Variants in AJAP1 observed in about 807,000 individuals in gnomAD.
AJAP1 encodes the protein adherens junction-associated protein 1.
A neutral mutation model predicts 35.0 loss-of-function variants in AJAP1; 5 were observed. The ratio of observed to expected loss-of-function variants is 0.14; its 90% CI spans 0.07 to 0.30. The LOEUF (loss-of-function observed/expected upper bound fraction) is 0.30, where lower values mean the gene tolerates loss of function less well. AJAP1 is among the 10% of genes least tolerant of loss of function. AJAP1 has a pLI of 1.00. For missense variants in AJAP1, 586 were observed against 571.0 expected, an observed-to-expected ratio of 1.03 and a Z score of -0.27; for synonymous variants, 284 against 249.3, an observed-to-expected ratio of 1.14 and a Z score of -1.31.
At chr1:4,690,182 G>C (rs1043179057) in intron 1 of AJAP1, among the ~76,000 whole-genome samples, 1 of 152,178 alleles carries the variant, frequency 6.6e-6, no homozygotes, top group African/African-American at 2.4e-5. Context: ...CAGGAGGCCC[G>C]AGGAGGGGAT....
At chr1:4,657,574 C>T (rs1425031628) in intron 1 of AJAP1, among the ~76,000 whole-genome samples, 1 of 152,188 alleles carries the variant, frequency 6.6e-6, no homozygotes, top group East Asian at 1.9e-4. Flanking sequence ...CACTCCGCGG[C>T]TCCCTAGGTG....
At chr1:4,748,775 G>C (rs1236693029) in intron 2 of AJAP1, among the ~76,000 whole-genome samples, 2 of 122,460 alleles carry the variant, frequency 1.6e-5, no homozygotes, top group African/African-American at 6.3e-5. Context: ...AAAAAAAAAA[G>C]AATGGAACCA....
chr1:4,657,569 C>G (rs9970009), intron 1 of AJAP1, among the ~76,000 whole-genome samples: 33,266 of 152,138 alleles, frequency 0.22, 5,611 homozygotes, highest in African/African-American at 0.48. Context: ...CAAGCCACTC[C>G]GCGGCTCCCT....
chr1:4,778,675 G>C (rs1641988757), intron 5 of AJAP1, among the ~76,000 whole-genome samples: 1 of 151,968 alleles, frequency 6.6e-6, no homozygotes, highest in South Asian at 2.1e-4. Flanking sequence ...ACAGAGTAGA[G>C]AGAGATGCCT....
At chr1:4,716,707 G>T (rs1431253108) in intron 2 of AJAP1, among the ~76,000 whole-genome samples, 13 of 142,132 alleles carry the variant, frequency 9.1e-5, no homozygotes, top group African/African-American at 3.6e-4. Context: ...GGTGGTGATA[G>T]AGAGATGATG....
Position 4,782,758 on chromosome 1 carries a change from G to T in AJAP1, c.*273G>T. 2.5e-6 allele frequency: 1 copy of T among 398,568 alleles called. No homozygotes were observed. Among genetic ancestry groups the T allele is most frequent in the African/African-American group, 2.1e-5 (1 of 48,714 alleles). The allele number at this position is 398,568 out of a possible 1,614,324, so 24.7% of individuals were successfully genotyped here. On this transcript the variant is annotated 3_prime_UTR_variant, in exon 6 of 6. Transcript: ENST00000378191. This position sits in a 1 kb window ranked among gnomAD's most constrained non-coding sequence, Gnocchi z 5.3. Reference sequence around the variant, plus strand: ...GCCTTCTCCCAGAGTTTTCTTTGGAGAACAGAAAGAAGAAAGGAAAGAAAG... The same window carrying T: ...GCCTTCTCCCAGAGTTTTCTTTGGATAACAGAAAGAAGAAAGGAAAGAAAG...
chr1:4,733,228 G>C (rs1366260883), intron 2 of AJAP1, among the ~76,000 whole-genome samples: 1 of 151,736 alleles, frequency 6.6e-6, no homozygotes, highest in Non-Finnish European at 1.5e-5. Flanking sequence ...TTTTTAAAAT[G>C]CAATGCCGCC....
At chr1:4,686,991 C>G (rs1639621140) in intron 1 of AJAP1, among the ~76,000 whole-genome samples, 1 of 152,302 alleles carries the variant, frequency 6.6e-6, no homozygotes, top group South Asian at 2.1e-4. Flanking sequence ...CCAAGTTGAC[C>G]AGGGCTGCCT....
At chr1:4,766,993 C>G (rs1641699379) in intron 2 of AJAP1, among the ~76,000 whole-genome samples, 2 of 152,114 alleles carry the variant, frequency 1.3e-5, no homozygotes, top group Non-Finnish European at 2.9e-5. Context: ...TGTGTGACTG[C>G]CCAGACCCTC....
intron 1 of AJAP1, among the ~76,000 whole-genome samples, chr1:4,691,978 G>C (rs545066690): frequency 1.3e-5 from 2 of 151,764 alleles, no homozygotes; most frequent in African/African-American, 2.4e-5. Flanking sequence ...TAGGTCAGAC[G>C]TGGGGTGGGG....
At position 4,684,529 on chromosome 1, in the gene AJAP1, G is replaced by C. The variant is rs74051933; in HGVS notation, c.30-27371G>C. Among the ~76,000 whole-genome samples the C allele has an allele frequency of 2.7e-3, 415 of 152,238 alleles. 2 individuals are homozygous for C. The highest frequency in any genetic ancestry group is 9.3e-3 in the African/African-American group (387 of 41,540). On this transcript the variant is annotated intron_variant, in intron 1 of 5. Coordinates refer to ENST00000378191, the MANE Select transcript of AJAP1 (RefSeq NM_018836.4). Reference sequence around the variant, plus strand: ...GGGAGTACCTTGAGCACATTCTCAGGGGGACCTTCTTTCCAGGAGCTGTTT... The same window carrying C: ...GGGAGTACCTTGAGCACATTCTCAGCGGGACCTTCTTTCCAGGAGCTGTTT...
chr1:4,720,113 A>G lies in AJAP1; in HGVS notation c.829+7414A>G, dbSNP rs1267436303. ...CGCATCTTTGCAGCAGATAAGTTCC[A>G]AGTGACGTTTGAGGGCTCCCCAGGT... On this transcript the variant is annotated intron_variant, in intron 2 of 5. Coordinates refer to ENST00000378191, the MANE Select transcript of AJAP1 (RefSeq NM_018836.4). This position sits in a 1 kb window ranked among gnomAD's most constrained non-coding sequence, Gnocchi z 4.4. Among the ~76,000 whole-genome samples, 2 of 152,176 alleles carry G rather than the reference A, an allele frequency of 1.3e-5. No individual in the cohort carries two copies. Among genetic ancestry groups the G allele is most frequent in the Non-Finnish European group, 2.9e-5 (2 of 68,032 alleles).
At chr1:4,703,839 A>G (rs1640041210) in intron 1 of AJAP1, among the ~76,000 whole-genome samples, 1 of 152,170 alleles carries the variant, frequency 6.6e-6, no homozygotes, top group Admixed American at 6.5e-5. Flanking sequence ...CCAGGAGAAG[A>G]TACATCTGAA....
chr1:4,728,062 C>T (rs897354559), intron 2 of AJAP1, among the ~76,000 whole-genome samples: 1 of 152,212 alleles, frequency 6.6e-6, no homozygotes, highest in Non-Finnish European at 1.5e-5. Flanking sequence ...GACTCCAGAA[C>T]AGAACTCGCC....
intron 2 of AJAP1, among the ~76,000 whole-genome samples, chr1:4,727,017 C>T (rs1432489588): frequency 6.6e-6 from 1 of 152,230 alleles, no homozygotes; most frequent in Admixed American, 6.5e-5. Flanking sequence ...AGCCCAGCCC[C>T]CCGGCGTGGG....
At chr1:4,697,260 T>C (rs1208937075) in intron 1 of AJAP1, among the ~76,000 whole-genome samples, 1 of 152,374 alleles carries the variant, frequency 6.6e-6, no homozygotes, top group African/African-American at 2.4e-5. Context: ...ATGTGACCTG[T>C]ATATGTGAGT....
chr1:4,708,283 G>A (rs1640145983), intron 1 of AJAP1, among the ~76,000 whole-genome samples: 1 of 152,060 alleles, frequency 6.6e-6, no homozygotes, highest in Non-Finnish European at 1.5e-5. Flanking sequence ...ATGTTCTTAA[G>A]GGGCCTGTGG....
At chr1:4,772,246 C>T in intron 3 of AJAP1, 34 bp from the exon 4 acceptor site, 1 of 1,610,858 alleles carries the variant, frequency 6.2e-7, no homozygotes, top group Non-Finnish European at 8.5e-7. Flanking sequence ...CCGGCCTCTG[C>T]CCGTCCCCCT....
intron 1 of AJAP1, among the ~76,000 whole-genome samples, chr1:4,698,428 G>T (rs541661573): frequency 5.3e-5 from 8 of 152,338 alleles, no homozygotes; most frequent in Non-Finnish European, 8.8e-5. Flanking sequence ...GTTCACAGCA[G>T]GATATGGAGA....
Sources: gnomAD v4.1 joint callset for allele counts (sites outside exome capture counted in the v4.1 genomes callset) on GRCh38, gnomAD v4.1.1 for gene constraint, Gnocchi (gnomAD v3.1) non-coding constraint, MANE v1.5 for transcripts, NCBI Gene and HGNC (gene_info 2026-07-23, HGNC 2026-07-21) for gene names.